EXO1: variants seen among roughly 807,000 people sequenced by gnomAD.
The protein encoded by EXO1 is exonuclease 1.
EXO1 carries 69 observed loss-of-function variants against 84.5 expected under a neutral mutation model. The ratio of observed to expected loss-of-function variants is 0.82; its 90% CI spans 0.67 to 1.00. The LOEUF (loss-of-function observed/expected upper bound fraction) is 1.00, where lower values mean the gene tolerates loss of function less well. Ranked by LOEUF, EXO1 falls within the 50% of genes least tolerant of loss-of-function variation. The pLI is 0.00. For synonymous variants in EXO1, 373 were observed against 366.1 expected (o/e 1.02, Z -0.21); for missense variants, 1,045 against 1,000.7 (o/e 1.04, Z -0.60).
chr1:241,859,027 A>G (rs2148421262), intron 8 of EXO1, among the ~76,000 whole-genome samples: 1 of 152,318 alleles, frequency 6.6e-6, no homozygotes, highest in Admixed American at 6.5e-5. Context: ...ATAACTCTAT[A>G]GTAGTGGTTC....
At chr1:241,855,255 C>T (rs1464874727) in intron 6 of EXO1, among the ~76,000 whole-genome samples, 2 of 151,354 alleles carry the variant, frequency 1.3e-5, no homozygotes, top group African/African-American at 4.8e-5. Flanking sequence ...AATCCCTGAG[C>T]TGGACACAAA....
At chr1:241,876,889 C>T (rs1662433413) in intron 12 of EXO1, among the ~76,000 whole-genome samples, 1 of 152,170 alleles carries the variant, frequency 6.6e-6, no homozygotes, top group Non-Finnish European at 1.5e-5. Context: ...GTTGAGTCGT[C>T]TTTCACACAC....
chr1:241,867,279 C>T (rs1661803842), intron 11 of EXO1, among the ~76,000 whole-genome samples: 1 of 152,096 alleles, frequency 6.6e-6, no homozygotes, highest in South Asian at 2.1e-4. Context: ...GGAGGCCTCA[C>T]AATTATGGTG....
At chr1:241,884,055 G>A (rs755132294) in intron 14 of EXO1, among the ~76,000 whole-genome samples, 2 of 151,826 alleles carry the variant, frequency 1.3e-5, no homozygotes, top group African/African-American at 2.4e-5. Context: ...ATTTCTTCTC[G>A]GAACGTTTTT....
At chr1:241,856,673 A>C (rs1661063979) in intron 6 of EXO1, among the ~76,000 whole-genome samples, 1 of 152,188 alleles carries the variant, frequency 6.6e-6, no homozygotes, top group Admixed American at 6.5e-5. Context: ...GATATATTCA[A>C]AACTCCAAAC....
intron 13 of EXO1, among the ~76,000 whole-genome samples, chr1:241,879,780 G>A (rs148176761): frequency 0.014 from 2,147 of 152,136 alleles, 26 homozygotes; most frequent in South Asian, 0.063. Flanking sequence ...CGAGGCGAGC[G>A]GATCACTTGA....
rs751133380 is a variant in EXO1 at position 241,867,059 on chromosome 1, C to T, written c.1267+4C>T. 22 of 1,605,750 alleles carry T rather than the reference C, an allele frequency of 1.4e-5. No homozygotes were observed. The highest frequency in any genetic ancestry group is 4.4e-5 in the South Asian group (4 of 90,854). On this transcript the variant is annotated splice_donor_region_variant and intron_variant, in intron 11 of 15. Coordinates refer to ENST00000366548, the MANE Select transcript of EXO1 (RefSeq NM_130398.4). ...ATTGTGAAAAGACCAAGAAGTGGTA[C>T]GTATTTCAGTTTTGCAAAATGCTGG...
chr1:241,850,836 C>CTTTTTTTTTTTT (rs10641736), intron 4 of EXO1, among the ~76,000 whole-genome samples: 1 of 105,086 alleles, frequency 9.5e-6, no homozygotes, highest in African/African-American at 3.7e-5. Flanking sequence ...CTCCTTTATT[C>CTTTTTTTTTTTT]TTTTTTTTTT....
chr1:241,856,119 C>T (rs1390843628), intron 6 of EXO1, among the ~76,000 whole-genome samples: 1 of 152,208 alleles, frequency 6.6e-6, no homozygotes, highest in Non-Finnish European at 1.5e-5. Flanking sequence ...ATGAGTACTG[C>T]CAGCACGCTG....
rs1019889690 is a variant in EXO1, at chr1:241,860,687, A to G, written c.927A>G (p.Thr309=). ...ATGAAGATGATGTTGATCCTGAAACACTAAGCTACGCTGGGCAGTATCCTT... is the reference window on the plus strand; with the variant it reads ...ATGAAGATGATGTTGATCCTGAAACGCTAAGCTACGCTGGGCAGTATCCTT... ...NAYEDDVDPE[T]LSYAGQYVDD... The change falls in exon 9 of 16, where the codon ACA becomes ACG. Residue 309 remains threonine (T), a synonymous_variant. Transcript: ENST00000366548. 1 of 1,613,708 alleles carries G rather than the reference A, an allele frequency of 6.2e-7. No homozygotes were observed. The highest frequency in any genetic ancestry group is 8.5e-7 in the Non-Finnish European group (1 of 1,179,590).
At chr1:241,876,821 G>A (rs1662428913) in intron 12 of EXO1, among the ~76,000 whole-genome samples, 1 of 152,066 alleles carries the variant, frequency 6.6e-6, no homozygotes, top group Non-Finnish European at 1.5e-5. Context: ...ATAATGGATT[G>A]GAAGCGGCAT....
intron 12 of EXO1, 130 bp downstream of exon 12, chr1:241,872,408 G>A (rs1276959794): frequency 2.0e-6 from 2 of 1,016,480 alleles, no homozygotes; most frequent in African/African-American, 3.2e-5. Context: ...AGAACGTGCA[G>A]TTTTGTTACA....
rs1662548205 is a variant in EXO1 at position 241,878,676 on chromosome 1, G to C, written c.1515-73G>C. The C allele has an allele frequency of 5.9e-6, 5 of 854,454 alleles. No homozygotes were observed. The East Asian group carries it at 7.9e-5, about 14-fold the overall frequency. 52.9% of individuals were successfully genotyped at this position (854,454 alleles called of 1,614,324 possible). A position where few individuals can be genotyped will look rare whatever the true frequency, so the allele number is the denominator to read the frequency against. ...AAAAAGAAACTGATTATTCCATTTTGAATCTTGACACCCCTTGAGAAAACT... is the reference window on the plus strand; with the variant it reads ...AAAAAGAAACTGATTATTCCATTTTCAATCTTGACACCCCTTGAGAAAACT... On this transcript the variant is annotated intron_variant, in intron 12 of 15. Transcript: ENST00000366548.
At chr1:241,856,831 G>T (rs1190968987) in intron 6 of EXO1, among the ~76,000 whole-genome samples, 1 of 152,178 alleles carries the variant, frequency 6.6e-6, no homozygotes, top group Non-Finnish European at 1.5e-5. Flanking sequence ...AGGAGTTTGA[G>T]ACCAGCCTAG....
At chr1:241,864,861 T>G (rs2148448033) in intron 10 of EXO1, among the ~76,000 whole-genome samples, 1 of 152,024 alleles carries the variant, frequency 6.6e-6, no homozygotes, top group African/African-American at 2.4e-5. Context: ...TTGACAGTAT[T>G]TATCATTTCT....
At position 241,879,189 on chromosome 1, in the gene EXO1, C is replaced by T. The variant is rs771719401; in HGVS notation, c.1955C>T (p.Ser652Leu). The T allele has an allele frequency of 4.4e-6, 7 of 1,604,226 alleles. No individual in the cohort carries two copies. The highest frequency in any genetic ancestry group is 2.2e-5 in the East Asian group (1 of 44,634). ...CCTGAGAATAATATGTCTGATGTGTCGCAGTTAAAGAGCGAGGAGTCCAGT... is the reference window on the plus strand; with the variant it reads ...CCTGAGAATAATATGTCTGATGTGTTGCAGTTAAAGAGCGAGGAGTCCAGT... Reference protein sequence around the residue: ...SLPENNMSDVSQLKSEESSDD... With the variant: ...SLPENNMSDVLQLKSEESSDD... The change falls in exon 13 of 16, where the codon TCG becomes TTG. Residue 652 changes from serine (S) to leucine (L), a missense_variant. Transcript: ENST00000366548.
intron 10 of EXO1, among the ~76,000 whole-genome samples, chr1:241,861,904 G>GC (rs547519037): frequency 2.1e-3 from 325 of 151,382 alleles, no homozygotes; most frequent in African/African-American, 6.7e-3. Flanking sequence ...TTTAATGCAC[G>GC]CCCCTGCTGT....
chr1:241,853,532 T>C (rs761201455), intron 6 of EXO1, 51 bp downstream of exon 6: 36 of 1,604,632 alleles, frequency 2.2e-5, no homozygotes, highest in Non-Finnish European at 3.0e-5. Flanking sequence ...TTACAACTTG[T>C]TTATTGATGG....
chr1:241,870,820 G>A (rs1247450031), intron 11 of EXO1, among the ~76,000 whole-genome samples: 1 of 152,110 alleles, frequency 6.6e-6, no homozygotes, highest in Non-Finnish European at 1.5e-5. Flanking sequence ...GTTACAGTAC[G>A]TTTGCTTATA....
Sources: allele counts gnomAD v4.1 joint callset (sites outside exome capture counted in the v4.1 genomes callset), GRCh38; gene constraint gnomAD v4.1.1; transcripts MANE v1.5; gene names NCBI Gene and HGNC (gene_info 2026-07-23, HGNC 2026-07-21).